The following LGSN variants were observed in gnomAD, a reference collection of about 807,000 sequenced individuals.
LGSN encodes lengsin, lens protein with glutamine synthetase domain.
Under a neutral mutation model 19.5 loss-of-function variants are expected in LGSN, and 21 were observed. The ratio of observed to expected loss-of-function variants is 1.07; its 90% CI spans 0.76 to 1.55. The LOEUF (loss-of-function observed/expected upper bound fraction) is 1.55, where lower values mean the gene tolerates loss of function less well. Ranked by LOEUF, LGSN falls within the 40% of genes most tolerant of loss-of-function variation. The pLI is 0.00. For missense variants in LGSN, 673 were observed against 608.5 expected (o/e 1.11, Z -1.12); for synonymous variants, 257 against 215.6 (o/e 1.19, Z -1.68).
chr6:63,363,137 A>T, the LGSN span, among the ~76,000 whole-genome samples: 18 of 152,228 alleles, frequency 1.2e-4, no homozygotes, highest in African/African-American at 4.3e-4. Flanking sequence ...GAGTGTTCTC[A>T]CTGTTAGAAG....
the LGSN span, among the ~76,000 whole-genome samples, chr6:63,468,799 G>A: frequency 2.7e-4 from 41 of 149,686 alleles, no homozygotes; most frequent in Admixed American, 2.1e-3. Context: ...TCCAGGCTAG[G>A]GTGCAATGGC....
chr6:63,477,828 A>T, the LGSN span, among the ~76,000 whole-genome samples: 1 of 150,116 alleles, frequency 6.7e-6, no homozygotes, highest in South Asian at 2.1e-4. Flanking sequence ...GGTATGAGTC[A>T]TCACACCCAG....
the LGSN span, among the ~76,000 whole-genome samples, chr6:63,468,287 C>A: frequency 6.6e-6 from 1 of 152,026 alleles, no homozygotes; most frequent in African/African-American, 2.4e-5. Flanking sequence ...ACCACCACAC[C>A]CAGCTAATTT....
the LGSN span, among the ~76,000 whole-genome samples, chr6:63,412,509 A>G: frequency 6.8e-5 from 8 of 116,962 alleles, no homozygotes; most frequent in Non-Finnish European, 1.2e-4. Flanking sequence ...AAAGAAAGAA[A>G]GAAAGAAAGA....
the LGSN span, among the ~76,000 whole-genome samples, chr6:63,366,300 C>A: frequency 2.6e-5 from 4 of 152,136 alleles, no homozygotes; most frequent in Admixed American, 2.6e-4. Context: ...CAATAACAGA[C>A]AAACAGAGAG....
At chr6:63,400,108 T>C in the LGSN span, among the ~76,000 whole-genome samples, 1 of 152,196 alleles carries the variant, frequency 6.6e-6, no homozygotes, top group African/African-American at 2.4e-5. Context: ...ATATTCAGTA[T>C]CGTGAAGATG....
At chr6:63,357,676 G>C in the LGSN span, among the ~76,000 whole-genome samples, 3 of 152,114 alleles carry the variant, frequency 2.0e-5, no homozygotes, top group African/African-American at 4.8e-5. Flanking sequence ...TGTTGATGGG[G>C]TTGTTTGTTT....
the LGSN span, among the ~76,000 whole-genome samples, chr6:63,482,565 C>G: frequency 4.6e-5 from 7 of 152,292 alleles, no homozygotes; most frequent in South Asian, 1.5e-3. Flanking sequence ...TCCATCTCTA[C>G]TAAAAATACA....
At chr6:63,412,567 A>AAAGAAAGAAAGAAAGAAAGAAAGG in the LGSN span, among the ~76,000 whole-genome samples, 11 of 121,592 alleles carry the variant, frequency 9.0e-5, no homozygotes, top group Non-Finnish European at 1.1e-4. Flanking sequence ...AGAAAGAAAG[A>AAAGAAAGAAAGAAAGAAAGAAAGG]AAGGAAGGAA....
the LGSN span, among the ~76,000 whole-genome samples, chr6:63,409,381 C>T: frequency 6.6e-6 from 1 of 152,112 alleles, no homozygotes; most frequent in Non-Finnish European, 1.5e-5. Context: ...TTACATATAT[C>T]TAAACTTCTT....
the LGSN span, among the ~76,000 whole-genome samples, chr6:63,368,268 C>T: frequency 1.3e-5 from 2 of 152,176 alleles, no homozygotes; most frequent in Non-Finnish European, 2.9e-5. Flanking sequence ...CCCTTAAAGG[C>T]TATCTGGTCC....
chr6:63,568,695 G>A, the LGSN span, among the ~76,000 whole-genome samples: 2 of 151,406 alleles, frequency 1.3e-5, no homozygotes, highest in African/African-American at 2.4e-5. Flanking sequence ...CACAATAAAT[G>A]AAGGTATGCC....
the LGSN span, among the ~76,000 whole-genome samples, chr6:63,436,542 C>T: frequency 5.3e-5 from 8 of 152,204 alleles, no homozygotes; most frequent in Non-Finnish European, 1.2e-4. Context: ...CCCTCCACCC[C>T]CAGCTTTGCT....
the LGSN span, among the ~76,000 whole-genome samples, chr6:63,515,198 T>C: frequency 6.8e-6 from 1 of 146,352 alleles, no homozygotes; most frequent in African/African-American, 2.6e-5. Flanking sequence ...TTTATCTTAA[T>C]CACCTTTCTA....
At chr6:63,351,678 G>A in the LGSN span, among the ~76,000 whole-genome samples, 47 of 152,106 alleles carry the variant, frequency 3.1e-4, no homozygotes, top group Non-Finnish European at 6.2e-4. Flanking sequence ...CTCTGGTCTC[G>A]AATTCCTAGC....
the LGSN span, among the ~76,000 whole-genome samples, chr6:63,408,702 C>T: frequency 6.6e-6 from 1 of 151,144 alleles, no homozygotes. Flanking sequence ...AACTAAAGAG[C>T]TTCTGCACAG....
chr6:63,278,661 A>AGGCT lies in LGSN; in HGVS notation c.*1356_*1359dup, dbSNP rs1302726625. 1.3e-5 allele frequency: 2 copies of AGGCT among 149,182 alleles called. No homozygotes were observed. The highest frequency in any genetic ancestry group is 3.0e-5 in the Non-Finnish European group (2 of 67,658). The allele number at this position is 149,182 out of a possible 1,614,324, so 9.2% of individuals were successfully genotyped here. A position where few individuals can be genotyped will look rare whatever the true frequency, so the allele number is the denominator to read the frequency against. ...AAACAGGGGTCTCACTATGTGGTCC[A>AGGCT]GGCTGGACTCAAACTCCTGGCCTCA... On this transcript the variant is annotated 3_prime_UTR_variant, in exon 4 of 4. Transcript: ENST00000370657.
the LGSN span, among the ~76,000 whole-genome samples, chr6:63,347,461 G>A: frequency 1.3e-5 from 2 of 152,082 alleles, no homozygotes; most frequent in Non-Finnish European, 2.9e-5. Context: ...AAGTTATAAG[G>A]TCTAATTTAC....
intron 2 of LGSN, among the ~76,000 whole-genome samples, chr6:63,292,408 T>C (rs1391248937): frequency 6.6e-6 from 1 of 152,226 alleles, no homozygotes; most frequent in African/African-American, 2.4e-5. Flanking sequence ...TTGCCCTTGG[T>C]CCCTGGGAGA....
Sources: gnomAD v4.1 joint callset for allele counts (sites outside exome capture counted in the v4.1 genomes callset) on GRCh38, gnomAD v4.1.1 for gene constraint, MANE v1.5 for transcripts, NCBI Gene and HGNC (gene_info 2026-07-23, HGNC 2026-07-21) for gene names.